The following ARHGAP26 variants were observed in gnomAD, a reference collection of about 807,000 sequenced individuals.
ARHGAP26 encodes Rho GTPase activating protein 26, also known as rho GTPase-activating protein 26.
In ARHGAP26, 38 loss-of-function variants were observed where a neutral mutation model predicts 104.8. That is an observed-to-expected ratio of 0.36 (90% confidence interval 0.28 to 0.48). ARHGAP26 has a LOEUF of 0.48. ARHGAP26 is among the 20% of genes least tolerant of loss of function. ARHGAP26 has a pLI of 0.99. For missense variants in ARHGAP26, 704 were observed against 947.9 expected, an observed-to-expected ratio of 0.74 and a Z score of 3.38; for synonymous variants, 341 against 340.0, an observed-to-expected ratio of 1.00 and a Z score of -0.03.
chr5:142,960,591 C>T (rs911233277), intron 11 of ARHGAP26, among the ~76,000 whole-genome samples: 5 of 152,188 alleles, frequency 3.3e-5, no homozygotes, highest in African/African-American at 9.7e-5. Context: ...CATCTACTGG[C>T]GTCTTGGGAG....
At chr5:142,838,687 T>C (rs1203096944) in intron 1 of ARHGAP26, among the ~76,000 whole-genome samples, 2 of 152,256 alleles carry the variant, frequency 1.3e-5, no homozygotes, top group Non-Finnish European at 2.9e-5. Flanking sequence ...ATTGTTCTTA[T>C]TTTGTTTGCT....
intron 11 of ARHGAP26, among the ~76,000 whole-genome samples, chr5:142,942,871 C>T (rs1160074461): frequency 2.0e-5 from 3 of 152,192 alleles, no homozygotes; most frequent in Non-Finnish European, 4.4e-5. Flanking sequence ...ACCTCTGCCT[C>T]CCAGGTTCAA....
chr5:142,896,958 G>T (rs1759556851), intron 6 of ARHGAP26, among the ~76,000 whole-genome samples: 1 of 152,158 alleles, frequency 6.6e-6, no homozygotes, highest in Non-Finnish European at 1.5e-5. Context: ...TTTTATTTAT[G>T]AGCAAACGAG....
chr5:143,170,789 T>A (rs1802664187), intron 20 of ARHGAP26: 1 of 152,182 alleles, frequency 6.6e-6, no homozygotes, highest in Non-Finnish European at 1.5e-5. Flanking sequence ...ACCACTATGC[T>A]TAGTTGCTTC....
chr5:143,114,677 C>T (rs1388366520), intron 17 of ARHGAP26, among the ~76,000 whole-genome samples: 3 of 152,176 alleles, frequency 2.0e-5, no homozygotes, highest in Non-Finnish European at 4.4e-5. Flanking sequence ...TTGGTCATCT[C>T]AGGCCTACCC....
At chr5:143,187,231 A>C (rs1421289812) in intron 20 of ARHGAP26, among the ~76,000 whole-genome samples, 5 of 152,232 alleles carry the variant, frequency 3.3e-5, no homozygotes, top group South Asian at 2.1e-4. Context: ...ATTGAAGGCT[A>C]TCTGACCCTA....
intron 18 of ARHGAP26, among the ~76,000 whole-genome samples, chr5:143,125,667 C>T (rs1411676485): frequency 6.6e-6 from 1 of 152,156 alleles, no homozygotes; most frequent in African/African-American, 2.4e-5. Context: ...GTTGGTAATA[C>T]ATACTGATTG....
intron 19 of ARHGAP26, among the ~76,000 whole-genome samples, chr5:143,142,250 C>T (rs557078024): frequency 4.1e-5 from 6 of 147,598 alleles, no homozygotes; most frequent in East Asian, 4.1e-4. Flanking sequence ...GTGATTCTCC[C>T]GCCTTAGCCT....
chr5:143,129,846 G>C (rs1266639803), intron 18 of ARHGAP26, among the ~76,000 whole-genome samples: 1 of 152,172 alleles, frequency 6.6e-6, no homozygotes, highest in Non-Finnish European at 1.5e-5. Flanking sequence ...CTTTTCAGTA[G>C]CTCTGCAAGG....
intron 20 of ARHGAP26, among the ~76,000 whole-genome samples, chr5:143,195,643 A>G (rs956251855): frequency 6.6e-6 from 1 of 152,216 alleles, no homozygotes; most frequent in Admixed American, 6.5e-5. Flanking sequence ...AAGAGTCAAC[A>G]TAATTTCTCA....
At position 142,852,104 on chromosome 5, in the gene ARHGAP26, C is replaced by A. The variant is rs1437441258; in HGVS notation, c.155-21296C>A. On this transcript the variant is annotated intron_variant, in intron 1 of 22. Transcript: ENST00000645722. ...TGTTCTAGAGGGTTGGATAGGTTTT[C>A]TGTGAAGAGGCAAGTAATGCTGTGC... Among the ~76,000 whole-genome samples the A allele has an allele frequency of 1.1e-4, 16 of 152,312 alleles. No homozygotes were observed. In the East Asian group the frequency reaches 2.7e-3, roughly 26 times the overall value.
At chr5:142,946,971 G>A (rs1433741426) in intron 11 of ARHGAP26, 1 of 152,060 alleles carries the variant, frequency 6.6e-6, no homozygotes, top group East Asian at 1.9e-4. Flanking sequence ...GCCAAAGGCA[G>A]AGCAAAGGGA....
intron 17 of ARHGAP26, among the ~76,000 whole-genome samples, chr5:143,060,370 A>C (rs1256763559): frequency 1.3e-5 from 2 of 152,166 alleles, no homozygotes; most frequent in Admixed American, 1.3e-4. Flanking sequence ...TCCAAAACTG[A>C]TTTCCCTTAG....
chr5:142,990,055 G>T (rs940623845), intron 11 of ARHGAP26, among the ~76,000 whole-genome samples: 1 of 152,092 alleles, frequency 6.6e-6, no homozygotes, highest in Non-Finnish European at 1.5e-5. Context: ...GTGTTTTCCA[G>T]CTTGGTTCCA....
intron 17 of ARHGAP26, among the ~76,000 whole-genome samples, chr5:143,077,018 A>G (rs1189895871): frequency 1.3e-5 from 2 of 152,234 alleles, no homozygotes; most frequent in African/African-American, 4.8e-5. Flanking sequence ...ATGGAATTGC[A>G]TAGTTTTTCT....
At chr5:142,874,322 A>G (rs1057182981) in intron 2 of ARHGAP26, among the ~76,000 whole-genome samples, 2 of 152,230 alleles carry the variant, frequency 1.3e-5, no homozygotes, top group Non-Finnish European at 2.9e-5. Context: ...ACTCCATTAA[A>G]TGAGCGAGAA....
At chr5:143,194,883 C>A (rs1038662142) in intron 20 of ARHGAP26, among the ~76,000 whole-genome samples, 1 of 146,562 alleles carries the variant, frequency 6.8e-6, no homozygotes, top group Non-Finnish European at 1.5e-5. Context: ...CTGCGCCAGC[C>A]ATTGTGGAGG....
At chr5:143,156,366 T>A (rs952950979) in intron 20 of ARHGAP26, among the ~76,000 whole-genome samples, 1 of 152,212 alleles carries the variant, frequency 6.6e-6, no homozygotes, top group African/African-American at 2.4e-5. Flanking sequence ...GGATCAACCA[T>A]AGGCTTCATT....
At chr5:142,930,285 G>A (rs1764522698) in intron 10 of ARHGAP26, among the ~76,000 whole-genome samples, 1 of 152,166 alleles carries the variant, frequency 6.6e-6, no homozygotes. Context: ...TAAGCCACAG[G>A]GTCAGTTCTG....
Sources: allele counts gnomAD v4.1 joint callset (sites outside exome capture counted in the v4.1 genomes callset), GRCh38; gene constraint gnomAD v4.1.1; transcripts MANE v1.5; gene names NCBI Gene and HGNC (gene_info 2026-07-23, HGNC 2026-07-21).